The following SAXO1 variants were observed in gnomAD, a reference collection of about 807,000 sequenced individuals.
The protein encoded by SAXO1 is 4930500O09Rik.
A neutral mutation model predicts 17.5 loss-of-function variants in SAXO1; 21 were observed. That is an observed-to-expected ratio of 1.20 (90% CI 0.85 to 1.72). The LOEUF is 1.72. SAXO1 is among the 40% of genes most tolerant of loss of function. The pLI is 0.00. For missense variants in SAXO1, 843 were observed against 596.0 expected, an observed-to-expected ratio of 1.41 and a Z score of -4.32; for synonymous variants, 274 against 216.5, an observed-to-expected ratio of 1.27 and a Z score of -2.33.
chr9:19,047,599 A>G (rs987365687), intron 1 of SAXO1, among the ~76,000 whole-genome samples: 26 of 152,320 alleles, frequency 1.7e-4, no homozygotes, highest in African/African-American at 5.3e-4. Context: ...GAATAAGAAA[A>G]TTTCGAATAT....
chr9:19,028,991 A>G (rs1009959376), intron 1 of SAXO1, among the ~76,000 whole-genome samples: 1 of 152,230 alleles, frequency 6.6e-6, no homozygotes, highest in Non-Finnish European at 1.5e-5. Context: ...TTTTCCATTC[A>G]GGCTGATTTG....
intron 1 of SAXO1, among the ~76,000 whole-genome samples, chr9:18,976,668 C>A (rs1045819725): frequency 1.2e-4 from 18 of 152,316 alleles, no homozygotes; most frequent in African/African-American, 3.8e-4. Context: ...TTGTAACTCT[C>A]CCCCAAGCTC....
chr9:19,024,435 A>C (rs1213085764), intron 1 of SAXO1, among the ~76,000 whole-genome samples: 2 of 151,690 alleles, frequency 1.3e-5, no homozygotes, highest in Non-Finnish European at 2.9e-5. Context: ...CACACCGGGG[A>C]CAGTTGTGGG....
chr9:18,967,534 G>A lies in SAXO1; in HGVS notation c.39-16597C>T, dbSNP rs115579165. Among the ~76,000 whole-genome samples the A allele has an allele frequency of 4.9e-3, 753 of 152,316 alleles. 5 individuals carry two copies. Among genetic ancestry groups the A allele is most frequent in the African/African-American group, 0.017 (710 of 41,560 alleles). On this transcript the variant is annotated intron_variant, in intron 1 of 3. Transcript: ENST00000380534. ...AACCCAGTTCAAACTTCCTGGCTTT[G>A]TTTACACTGTAAGGGGAAAACTACG... is the stretch of plus-strand genomic sequence containing the variant.
At chr9:18,938,455 G>A (rs1477651132) in intron 3 of SAXO1, among the ~76,000 whole-genome samples, 2 of 151,972 alleles carry the variant, frequency 1.3e-5, no homozygotes, top group Admixed American at 6.6e-5. Flanking sequence ...AGCGCGAGTC[G>A]GGAGGTGGGG....
chr9:18,937,710 A>G (rs1417474866), intron 3 of SAXO1, among the ~76,000 whole-genome samples: 1 of 152,094 alleles, frequency 6.6e-6, no homozygotes, highest in Non-Finnish European at 1.5e-5. Flanking sequence ...TCTGGCTTTC[A>G]CCACATGAGG....
At chr9:18,936,644 A>T (rs990135858) in intron 3 of SAXO1, among the ~76,000 whole-genome samples, 10 of 152,192 alleles carry the variant, frequency 6.6e-5, no homozygotes, top group African/African-American at 2.4e-4. Context: ...AAACCTCAGA[A>T]TTTCACATGA....
At chr9:19,038,743 A>T (rs1328668608) in intron 1 of SAXO1, among the ~76,000 whole-genome samples, 1 of 151,840 alleles carries the variant, frequency 6.6e-6, no homozygotes, top group Non-Finnish European at 1.5e-5. Flanking sequence ...GTACCCTAAA[A>T]CTTAAAGTAT....
At chr9:19,006,117 AAG>A (rs1018586462) in intron 1 of SAXO1, among the ~76,000 whole-genome samples, 11 of 152,208 alleles carry the variant, frequency 7.2e-5, no homozygotes, top group Admixed American at 2.6e-4. Flanking sequence ...TTAAAAAAGA[AAG>A]AGAAATGTTG....
intron 1 of SAXO1, among the ~76,000 whole-genome samples, chr9:19,048,539 G>A (rs888613321): frequency 6.6e-6 from 1 of 152,284 alleles, no homozygotes; most frequent in South Asian, 2.1e-4. Flanking sequence ...GAACGATACT[G>A]GCGACACTGA....
At chr9:18,951,660 C>A (rs1832044662) in intron 1 of SAXO1, among the ~76,000 whole-genome samples, 1 of 152,196 alleles carries the variant, frequency 6.6e-6, no homozygotes, top group Admixed American at 6.5e-5. Context: ...TTTCTCCCAT[C>A]ACCCTGTGTA....
intron 1 of SAXO1, among the ~76,000 whole-genome samples, chr9:18,986,437 T>C (rs776288742): frequency 1.3e-5 from 2 of 152,114 alleles, no homozygotes; most frequent in Non-Finnish European, 1.5e-5. Context: ...ATGTAGTAAA[T>C]GGTCAAAGAA....
At chr9:18,969,878 C>A (rs2074785897) in intron 1 of SAXO1, among the ~76,000 whole-genome samples, 1 of 152,246 alleles carries the variant, frequency 6.6e-6, no homozygotes, top group Non-Finnish European at 1.5e-5. Context: ...GGGTTAAGAA[C>A]CTGCTCAATA....
chr9:19,032,914 C>T lies in SAXO1; in HGVS notation c.-6G>A, dbSNP rs757750168. ...CAGATGCACTTCGTCTTCATAGGGG[C>T]GATCCTGAGGCCCTGACGTCCCCTC... On this transcript the variant is annotated 5_prime_UTR_variant, in exon 1 of 4. Coordinates refer to ENST00000380534, the MANE Select transcript of SAXO1 (RefSeq NM_153707.4). 8.3e-5 allele frequency: 134 copies of T among 1,608,160 alleles called. No individual in the cohort carries two copies. The highest frequency in any genetic ancestry group is 1.0e-4 in the Non-Finnish European group (123 of 1,179,086).
rs143747947 is a variant in SAXO1, at chr9:18,928,805, T to C, written c.672A>G (p.Ala224=). Residue 224 remains alanine, a synonymous_variant, in exon 4 of 4, where the codon GCA becomes GCG. Transcript: ENST00000380534. Reference sequence around the variant, plus strand: ...GGATTTCACAGGGCCTGAACTTCTCTGCTTCATGCACAAAGCGCTTCTCCA... The same window carrying C: ...GGATTTCACAGGGCCTGAACTTCTCCGCTTCATGCACAAAGCGCTTCTCCA... The part of the protein sequence containing the change: ...HPVEKRFVHE[A]EKFRPCEIPF... The C allele has an allele frequency of 2.5e-6, 4 of 1,614,026 alleles. No individual in the cohort carries two copies. The highest frequency in any genetic ancestry group is 2.7e-5 in the African/African-American group (2 of 74,916).
At chr9:18,953,740 C>T (rs1588432879) in intron 1 of SAXO1, among the ~76,000 whole-genome samples, 1 of 151,796 alleles carries the variant, frequency 6.6e-6, no homozygotes, top group Non-Finnish European at 1.5e-5. Context: ...AGTCTGACAT[C>T]TTTTTGTTTT....
intron 1 of SAXO1, among the ~76,000 whole-genome samples, chr9:18,951,267 C>G (rs949183486): frequency 2.6e-5 from 4 of 152,150 alleles, no homozygotes; most frequent in African/African-American, 9.7e-5. Flanking sequence ...CCGAGTGCCA[C>G]CCAGCTGCCC....
At chr9:18,959,664 G>A (rs1339632499) in intron 1 of SAXO1, among the ~76,000 whole-genome samples, 1 of 152,010 alleles carries the variant, frequency 6.6e-6, no homozygotes, top group East Asian at 1.9e-4. Context: ...CCAGCTACTT[G>A]CGAGGCTGAG....
intron 1 of SAXO1, among the ~76,000 whole-genome samples, chr9:18,997,991 A>T (rs143842110): frequency 0.019 from 2,856 of 152,330 alleles, 42 homozygotes; most frequent in Non-Finnish European, 0.025. Context: ...AAAGGTAGAT[A>T]AAACCTCTAA....
Sources: gnomAD v4.1 joint callset for allele counts (sites outside exome capture counted in the v4.1 genomes callset) on GRCh38, gnomAD v4.1.1 for gene constraint, MANE v1.5 for transcripts, NCBI Gene and HGNC (gene_info 2026-07-23, HGNC 2026-07-21) for gene names.